IQGAP1: variants seen among roughly 807,000 people sequenced by gnomAD.
IQGAP1 encodes the protein IQ motif containing GTPase activating protein 1.
In IQGAP1, 66 loss-of-function variants were observed where a neutral mutation model predicts 215.6. The ratio of observed to expected loss-of-function variants is 0.31; its 90% CI spans 0.25 to 0.38. The LOEUF is 0.38. Ranked by LOEUF, IQGAP1 falls within the 10% of genes least tolerant of loss-of-function variation. The probability of loss-of-function intolerance (pLI) is 1.00; values close to 1 mark genes in which losing one functional copy is unlikely to be tolerated. For synonymous variants in IQGAP1, 772 were observed against 728.7 expected, an observed-to-expected ratio of 1.06 and a Z score of -0.96; for missense variants, 1,712 against 1,997.1, an observed-to-expected ratio of 0.86 and a Z score of 2.72.
In IQGAP1 at chr15:90,487,585, A is replaced by G; in HGVS notation, c.4248+3A>G. 1 of 1,604,124 alleles carries G rather than the reference A, an allele frequency of 6.2e-7. No individual in the cohort carries two copies. Among genetic ancestry groups the G allele is most frequent in the Middle Eastern group, 1.7e-4 (1 of 6,036 alleles). On this transcript the variant is annotated splice_donor_region_variant and intron_variant, in intron 33 of 37. Coordinates refer to ENST00000268182, the MANE Select transcript of IQGAP1 (RefSeq NM_003870.4). ...AAACACCAGCCACCAGTGAACAGGTAAAATTTAGGGTCTAACATACTCCTT... is the reference window on the plus strand; with the variant it reads ...AAACACCAGCCACCAGTGAACAGGTGAAATTTAGGGTCTAACATACTCCTT...
rs117471009 is a variant in IQGAP1 at position 90,403,137 on chromosome 15, G to A, written c.155+12264G>A. Among the ~76,000 whole-genome samples the A allele has an allele frequency of 4.6e-3, 705 of 152,204 alleles. 3 individuals are homozygous for A. The highest frequency in any genetic ancestry group is 0.014 in the Middle Eastern group (4 of 294). ...TATAAGAAATAAAAAAAAGCCAAACGTGGTGGCACACACCTGTAGTTCCAG... is the reference window on the plus strand; with the variant it reads ...TATAAGAAATAAAAAAAAGCCAAACATGGTGGCACACACCTGTAGTTCCAG... On this transcript the variant is annotated intron_variant, in intron 2 of 37. Coordinates refer to ENST00000268182, the MANE Select transcript of IQGAP1 (RefSeq NM_003870.4).
intron 2 of IQGAP1, among the ~76,000 whole-genome samples, chr15:90,407,279 C>T (rs539801154): frequency 1.3e-5 from 2 of 152,230 alleles, no homozygotes; most frequent in South Asian, 4.1e-4. Flanking sequence ...ATTGGGAATA[C>T]TGAGGCTATA....
chr15:90,421,079 A>G lies in IQGAP1; in HGVS notation c.156-5031A>G, dbSNP rs375623388. Among the ~76,000 whole-genome samples the G allele has an allele frequency of 3.3e-5, 5 of 152,208 alleles. No homozygotes were observed. The East Asian group carries it at 5.8e-4, about 18-fold the overall frequency. On this transcript the variant is annotated intron_variant, in intron 2 of 37. Transcript: ENST00000268182. ...TTGAACCCGGAAGCCAGAGGTTGCA[A>G]TGAGCTGAGATCGTGCCATTGCACT...
chr15:90,448,771 G>GTGAAAGGAC (rs1465418279), intron 10 of IQGAP1, 35 bp downstream of exon 10: 1 of 1,444,950 alleles, frequency 6.9e-7, no homozygotes, highest in African/African-American at 1.5e-5. Flanking sequence ...GCAAGAGTTT[G>GTGAAAGGAC]TATATATCCA....
At chr15:90,452,738 A>G (rs749175023) in intron 11 of IQGAP1, 37 bp from the exon 12 acceptor site, 1 of 1,606,636 alleles carries the variant, frequency 6.2e-7, no homozygotes, top group Non-Finnish European at 8.5e-7. Flanking sequence ...AGGGCTCTCT[A>G]AGCCCACTGC....
intron 2 of IQGAP1, among the ~76,000 whole-genome samples, chr15:90,410,978 G>C (rs1021719986): frequency 6.6e-6 from 1 of 151,846 alleles, no homozygotes; most frequent in African/African-American, 2.4e-5. Context: ...CTTAATCTCT[G>C]CAGCATATGT....
chr15:90,473,967 T>C lies in IQGAP1; in HGVS notation c.2505T>C (p.His835=), dbSNP rs374581357. 2.1e-5 allele frequency: 34 copies of C among 1,613,914 alleles called. No homozygotes were observed. The highest frequency in any genetic ancestry group is 2.8e-5 in the Non-Finnish European group (33 of 1,179,948). The stretch of plus-strand genomic sequence containing the variant: ...ATCGCCTGCAGTACTTCCGGGACCA[T>C]GTAAGCACCCTTGGATCATACAGGC... ...YRDRLQYFRD[H]INDIIKIQAF... The change falls in exon 21 of 38, where the codon CAT becomes CAC. Residue 835 remains histidine, a splice_region_variant and synonymous_variant. Coordinates refer to ENST00000268182, the MANE Select transcript of IQGAP1 (RefSeq NM_003870.4).
At chr15:90,440,461 G>A (rs1210572700) in intron 6 of IQGAP1, 41 bp from the exon 7 acceptor site, 40 of 1,360,970 alleles carry the variant, frequency 2.9e-5, no homozygotes, top group Non-Finnish European at 3.9e-5. Context: ...TTATGGAAGG[G>A]TGCTTAGCTT....
chr15:90,389,790 T>TAAA (rs559734539), intron 1 of IQGAP1, among the ~76,000 whole-genome samples: 2 of 134,894 alleles, frequency 1.5e-5, no homozygotes, highest in African/African-American at 5.5e-5. Context: ...CTCCATCTCT[T>TAAA]AAAAAAAAAA....
chr15:90,404,485 T>A (rs1229250543), intron 2 of IQGAP1, among the ~76,000 whole-genome samples: 3 of 152,226 alleles, frequency 2.0e-5, no homozygotes, highest in Non-Finnish European at 4.4e-5. Flanking sequence ...CCTTTGCTCA[T>A]TTTTCTATTG....
chr15:90,432,147 T>C (rs1234962531), intron 4 of IQGAP1, among the ~76,000 whole-genome samples: 1 of 152,176 alleles, frequency 6.6e-6, no homozygotes, highest in Non-Finnish European at 1.5e-5. Context: ...CATTTCTCCT[T>C]GGATAGCTTT....
chr15:90,465,845 G>T (rs935289907), intron 15 of IQGAP1, among the ~76,000 whole-genome samples, 156 bp from the exon 16 acceptor site: 1 of 151,816 alleles, frequency 6.6e-6, no homozygotes, highest in African/African-American at 2.4e-5. Flanking sequence ...CCAGTTTTTT[G>T]ATGCCTCCTT....
intron 26 of IQGAP1, among the ~76,000 whole-genome samples, chr15:90,478,314 CTG>C (rs1381607184): frequency 6.6e-6 from 1 of 152,140 alleles, no homozygotes; most frequent in Non-Finnish European, 1.5e-5. Context: ...CTTTAGAAAA[CTG>C]TGCTTTCTAA....
chr15:90,438,988 G>A (rs1484510818), intron 5 of IQGAP1, among the ~76,000 whole-genome samples: 1 of 152,036 alleles, frequency 6.6e-6, no homozygotes, highest in African/African-American at 2.4e-5. Flanking sequence ...GCCTCCCAAA[G>A]TGCTGGGATT....
intron 17 of IQGAP1, 108 bp downstream of exon 17, chr15:90,466,544 A>G (rs915158132): frequency 5.8e-6 from 6 of 1,036,354 alleles, no homozygotes; most frequent in Non-Finnish European, 7.3e-6. Context: ...TTTAGCATAG[A>G]TGTACAGTAC....
At chr15:90,448,434 G>A in intron 9 of IQGAP1, 139 bp from the exon 10 acceptor site, 2 of 697,190 alleles carry the variant, frequency 2.9e-6, no homozygotes, top group South Asian at 5.2e-5. Flanking sequence ...AAGATCTTAT[G>A]CTTCTGAGAA....
chr15:90,418,505 T>A (rs771452708), intron 2 of IQGAP1, among the ~76,000 whole-genome samples: 1 of 152,068 alleles, frequency 6.6e-6, no homozygotes, highest in Non-Finnish European at 1.5e-5. Flanking sequence ...GGAGCATCAC[T>A]GATCCCAGGA....
intron 2 of IQGAP1, among the ~76,000 whole-genome samples, chr15:90,392,305 G>C (rs976679291): frequency 6.6e-6 from 1 of 152,144 alleles, no homozygotes; most frequent in African/African-American, 2.4e-5. Flanking sequence ...ACATAGCAAG[G>C]CATGCTATAT....
intron 9 of IQGAP1, among the ~76,000 whole-genome samples, chr15:90,446,262 C>T (rs1474250635): frequency 6.6e-6 from 1 of 152,088 alleles, no homozygotes; most frequent in African/African-American, 2.4e-5. Flanking sequence ...GTATAAGAAT[C>T]AGTTGTGAGC....
Sources: gnomAD v4.1 joint callset for allele counts (sites outside exome capture counted in the v4.1 genomes callset) on GRCh38, gnomAD v4.1.1 for gene constraint, MANE v1.5 for transcripts, NCBI Gene and HGNC (gene_info 2026-07-23, HGNC 2026-07-21) for gene names.